DNAH6: variants seen among roughly 807,000 people sequenced by gnomAD.
The protein encoded by DNAH6 is dynein axonemal heavy chain 6.
DNAH6 carries 340 observed loss-of-function variants against 491.4 expected under a neutral mutation model. The ratio of observed to expected loss-of-function variants is 0.69; its 90% CI spans 0.63 to 0.76. The LOEUF (loss-of-function observed/expected upper bound fraction) is 0.76. Ranked by LOEUF, DNAH6 falls within the 30% of genes least tolerant of loss-of-function variation. DNAH6 has a pLI of 0.00. For synonymous variants in DNAH6, 1,603 were observed against 1,686.1 expected, an observed-to-expected ratio of 0.95 and a Z score of 1.21; for missense variants, 4,443 against 4,972.2, an observed-to-expected ratio of 0.89 and a Z score of 3.20.
At chr2:84,722,845 C>T in intron 60 of DNAH6, 41 bp downstream of exon 60, 2 of 1,204,616 alleles carry the variant, frequency 1.7e-6, no homozygotes, top group Non-Finnish European at 2.3e-6. Flanking sequence ...ATCTCTTTGG[C>T]CTCCATTACA....
At chr2:84,617,662 T>C (rs1687006006) in intron 23 of DNAH6, among the ~76,000 whole-genome samples, 1 of 152,060 alleles carries the variant, frequency 6.6e-6, no homozygotes, top group Admixed American at 6.6e-5. Flanking sequence ...CCCCATTGTT[T>C]TACTGTTTTA....
intron 23 of DNAH6, among the ~76,000 whole-genome samples, chr2:84,619,165 C>T (rs1367667406): frequency 2.6e-5 from 4 of 152,132 alleles, no homozygotes. Flanking sequence ...TGCCAATTTT[C>T]ACAGTAGCAC....
rs1678876543 is a variant in DNAH6 at position 84,547,281 on chromosome 2, C to T, written c.944C>T (p.Ala315Val). 6.5e-7 allele frequency: 1 copy of T among 1,540,656 alleles called. No individual in the cohort carries two copies. Among genetic ancestry groups the T allele is most frequent in the Admixed American group, 2.0e-5 (1 of 48,840 alleles). The change falls in exon 6 of 77, where the codon GCT (alanine) becomes GTT (valine). Residue 315 changes from alanine (A) to valine (V), a missense_variant. Around this residue, in one of 3 missense-constraint regions of DNAH6, gnomAD observed 2,977 missense variants for 3,296.6 expected, o/e 0.90. Transcript: ENST00000389394. Reference sequence around the variant, plus strand: ...ATTTTCATTCAGCATTTGCGACCAGCTCTTCTTAAAATAAATGAATTGTGT... The same window carrying T: ...ATTTTCATTCAGCATTTGCGACCAGTTCTTCTTAAAATAAATGAATTGTGT... ...LFIVNPHLRP[A>V]LLKINELCYH...
intron 63 of DNAH6, among the ~76,000 whole-genome samples, chr2:84,761,528 T>G (rs1361630289): frequency 6.6e-6 from 1 of 152,084 alleles, no homozygotes; most frequent in East Asian, 1.9e-4. Context: ...CTGGAAAGGT[T>G]AAGTGAATTA....
chr2:84,711,620 T>TA (rs1697055160), intron 56 of DNAH6, among the ~76,000 whole-genome samples: 1 of 152,246 alleles, frequency 6.6e-6, no homozygotes, highest in African/African-American at 2.4e-5. Flanking sequence ...ACAAGATAGT[T>TA]ACTATTGTTA....
chr2:84,639,584 A>G (rs963593615), intron 31 of DNAH6, among the ~76,000 whole-genome samples: 2 of 151,882 alleles, frequency 1.3e-5, no homozygotes, highest in Non-Finnish European at 2.9e-5. Flanking sequence ...ATGCCTGACT[A>G]ATTTTTTGTA....
In DNAH6 at chr2:84,677,124, A is replaced by G; in HGVS notation, c.6732A>G (p.Lys2244=). 1.3e-6 allele frequency: 2 copies of G among 1,551,724 alleles called. No homozygotes were observed. Among genetic ancestry groups the G allele is most frequent in the Non-Finnish European group, 1.7e-6 (2 of 1,146,950 alleles). Residue 2244 remains lysine (K), a synonymous_variant, in exon 41 of 77, where the codon AAA becomes AAG. Transcript: ENST00000389394. ...CAATGCCCTCAGAGCACAGTCTGAA[A>G]CAGATTTTTCAGGTGAGTGTCGATT... ...CLPMPSEHSL[K]QIFQAILNGF...
chr2:84,774,253 T>G (rs1478550626), intron 64 of DNAH6, among the ~76,000 whole-genome samples: 1 of 152,032 alleles, frequency 6.6e-6, no homozygotes, highest in African/African-American at 2.4e-5. Context: ...TAGTGAAACA[T>G]AAGAGTCCAG....
At chr2:84,584,713 A>C (rs1415261516) in intron 15 of DNAH6, 1 of 155,690 alleles carries the variant, frequency 6.4e-6, no homozygotes, top group Non-Finnish European at 1.4e-5. Context: ...ATGACTTGCT[A>C]GCACATTTTA....
intron 33 of DNAH6, among the ~76,000 whole-genome samples, chr2:84,646,444 C>G (rs111994004): frequency 0.069 from 10,520 of 151,734 alleles, 1,211 homozygotes; most frequent in African/African-American, 0.24. Flanking sequence ...AACGATTAAG[C>G]TTAGTGAGGA....
intron 44 of DNAH6, 123 bp downstream of exon 44, chr2:84,686,680 C>CA (rs1694291118): frequency 1.7e-6 from 1 of 605,858 alleles, no homozygotes; most frequent in Non-Finnish European, 2.8e-6. Flanking sequence ...GGCCAGATGT[C>CA]AGCAAACTAT....
intron 22 of DNAH6, among the ~76,000 whole-genome samples, chr2:84,615,526 T>A (rs1686772435): frequency 6.6e-6 from 1 of 152,110 alleles, no homozygotes; most frequent in Non-Finnish European, 1.5e-5. Context: ...GGCTCTTTTT[T>A]TGGTTCCATA....
chr2:84,565,699 A>G (rs1191071717), intron 11 of DNAH6, among the ~76,000 whole-genome samples: 3 of 151,904 alleles, frequency 2.0e-5, no homozygotes, highest in Non-Finnish European at 4.4e-5. Context: ...GTATCCCACT[A>G]TTGTTGTGTG....
At chr2:84,574,669 C>T (rs1682247876) in intron 12 of DNAH6, among the ~76,000 whole-genome samples, 1 of 152,148 alleles carries the variant, frequency 6.6e-6, no homozygotes, top group Admixed American at 6.5e-5. Flanking sequence ...CACATGGAGA[C>T]TTAGTGTGTG....
intron 18 of DNAH6, among the ~76,000 whole-genome samples, chr2:84,600,623 C>T (rs1245478534): frequency 1.3e-5 from 2 of 151,998 alleles, no homozygotes; most frequent in African/African-American, 4.8e-5. Context: ...AGATTTTTCT[C>T]ATAATTACAC....
intron 76 of DNAH6, among the ~76,000 whole-genome samples, chr2:84,818,705 G>A (rs1282078912): frequency 6.6e-6 from 1 of 152,102 alleles, no homozygotes; most frequent in Non-Finnish European, 1.5e-5. Flanking sequence ...GAAGCAGAGG[G>A]AAACCTACCA....
chr2:84,594,875 G>A (rs984471379), intron 17 of DNAH6, among the ~76,000 whole-genome samples: 45 of 152,122 alleles, frequency 3.0e-4, no homozygotes, highest in African/African-American at 9.9e-4. Context: ...AGAACTCTTT[G>A]GTGGAGAAAA....
At chr2:84,819,280 C>T (rs1035171625) in intron 76 of DNAH6, 25 bp from the exon 77 acceptor site, 3 of 1,487,544 alleles carry the variant, frequency 2.0e-6, no homozygotes, top group Admixed American at 4.1e-5. Flanking sequence ...AAGTAACAAC[C>T]TTTTTTTCCT....
chr2:84,704,634 G>T (rs1696256799), intron 51 of DNAH6, among the ~76,000 whole-genome samples: 2 of 152,138 alleles, frequency 1.3e-5, no homozygotes, highest in South Asian at 4.1e-4. Context: ...AGGTTTTTTG[G>T]AAAACACTGC....
Sources: gnomAD v4.1 joint callset for allele counts (sites outside exome capture counted in the v4.1 genomes callset) on GRCh38, gnomAD v4.1.1 for gene constraint, gnomAD v4.1.1 regional missense constraint, MANE v1.5 for transcripts, NCBI Gene and HGNC (gene_info 2026-07-23, HGNC 2026-07-21) for gene names.